JAZF1: variants seen among roughly 807,000 people sequenced by gnomAD.
The protein encoded by JAZF1 is JAZF zinc finger 1.
Under a neutral mutation model 26.4 loss-of-function variants are expected in JAZF1, and 8 were observed. The observed-to-expected ratio is 0.30, with a 90% CI of 0.18 to 0.55. JAZF1 has a LOEUF of 0.55. Among genes scored for constraint, JAZF1 ranks in the 20% least tolerant of loss-of-function variants. The pLI is 0.94. For missense variants in JAZF1, 199 were observed against 322.0 expected, an observed-to-expected ratio of 0.62 and a Z score of 2.92; for synonymous variants, 126 against 122.3, an observed-to-expected ratio of 1.03 and a Z score of -0.20.
intron 1 of JAZF1, among the ~76,000 whole-genome samples, chr7:28,111,554 A>G (rs1378207828): frequency 6.6e-6 from 1 of 152,246 alleles, no homozygotes; most frequent in Non-Finnish European, 1.5e-5. Flanking sequence ...ATAAGTCACA[A>G]TGCTTCTTTG....
chr7:28,180,609 C>T lies in JAZF1; in HGVS notation c.-32G>A, dbSNP rs10255700. ...ACATCGAGAGCCCCCCTGGTGTCGGCTCTGCGAGCGCCGGGCGGGCGAGGG... is the reference window on the plus strand; with the variant it reads ...ACATCGAGAGCCCCCCTGGTGTCGGTTCTGCGAGCGCCGGGCGGGCGAGGG... On this transcript the variant is annotated 5_prime_UTR_variant, in exon 1 of 5. Coordinates refer to ENST00000283928, the MANE Select transcript of JAZF1 (RefSeq NM_175061.4). 0.15 allele frequency: 225,375 copies of T among 1,553,512 alleles called. 21,175 individuals carry two copies. The highest frequency in any genetic ancestry group is 0.36 in the African/African-American group (25,245 of 70,578).
intron 1 of JAZF1, among the ~76,000 whole-genome samples, chr7:28,147,534 C>T (rs1335548317): frequency 1.3e-5 from 2 of 150,734 alleles, no homozygotes; most frequent in Admixed American, 6.6e-5. Context: ...CCTTCCAAGA[C>T]ATCTGGAAAA....
intron 2 of JAZF1, among the ~76,000 whole-genome samples, chr7:27,897,187 G>A (rs952141104): frequency 6.6e-6 from 1 of 152,154 alleles, no homozygotes; most frequent in African/African-American, 2.4e-5. Flanking sequence ...AGGATAAACA[G>A]GCTGCTGCTT....
chr7:27,874,253 G>A (rs924027622), intron 3 of JAZF1, among the ~76,000 whole-genome samples: 1 of 152,218 alleles, frequency 6.6e-6, no homozygotes, highest in Non-Finnish European at 1.5e-5. Flanking sequence ...GCTGAGGCTG[G>A]GAAAATCCCC....
At chr7:27,942,597 G>T (rs1318350276) in intron 2 of JAZF1, among the ~76,000 whole-genome samples, 1 of 152,168 alleles carries the variant, frequency 6.6e-6, no homozygotes, top group Non-Finnish European at 1.5e-5. Flanking sequence ...AAGGTTAAAC[G>T]ACTTGTGCAA....
At chr7:28,032,440 A>G (rs921672975) in intron 1 of JAZF1, among the ~76,000 whole-genome samples, 4 of 152,210 alleles carry the variant, frequency 2.6e-5, no homozygotes, top group Non-Finnish European at 5.9e-5. Flanking sequence ...TTTTGGAATT[A>G]AAGAGAAAAA....
At chr7:27,934,464 CAT>C (rs909596140) in intron 2 of JAZF1, among the ~76,000 whole-genome samples, 1 of 42,806 alleles carries the variant, frequency 2.3e-5, no homozygotes, top group Admixed American at 1.6e-4. Flanking sequence ...TTTTACCATA[CAT>C]ACACACACAC....
chr7:27,845,674 G>A (rs1231345008), intron 3 of JAZF1, among the ~76,000 whole-genome samples: 1 of 144,210 alleles, frequency 6.9e-6, no homozygotes, highest in East Asian at 2.0e-4. Flanking sequence ...TCCAGCCTGG[G>A]CAATAGGGCG....
At chr7:28,155,021 A>G (rs1384003020) in intron 1 of JAZF1, among the ~76,000 whole-genome samples, 1 of 152,184 alleles carries the variant, frequency 6.6e-6, no homozygotes, top group Non-Finnish European at 1.5e-5. Context: ...ACTAAAACTA[A>G]AAATAAAATT....
intron 1 of JAZF1, among the ~76,000 whole-genome samples, chr7:28,143,872 T>C (rs1782991104): frequency 6.6e-6 from 1 of 152,250 alleles, no homozygotes; most frequent in Admixed American, 6.5e-5. Flanking sequence ...TTATCTGTCT[T>C]TCCTCTTAAA....
At chr7:28,134,099 A>G (rs1297087173) in intron 1 of JAZF1, among the ~76,000 whole-genome samples, 3 of 152,192 alleles carry the variant, frequency 2.0e-5, no homozygotes, top group African/African-American at 7.2e-5. Flanking sequence ...AACCCTGTGC[A>G]TTGAACAGCG....
At chr7:28,008,599 C>G (rs17156158) in intron 1 of JAZF1, among the ~76,000 whole-genome samples, 9,937 of 152,292 alleles carry the variant, frequency 0.065, 1,097 homozygotes, top group African/African-American at 0.23. Context: ...GGCAAATAAT[C>G]TCTGGGAAGA....
chr7:27,945,141 T>TA (rs1784907096), intron 2 of JAZF1, among the ~76,000 whole-genome samples: 1 of 152,034 alleles, frequency 6.6e-6, no homozygotes, highest in Non-Finnish European at 1.5e-5. Flanking sequence ...AAATTTTTTT[T>TA]TAAAAAAATC....
At chr7:27,906,506 T>C (rs772433480) in intron 2 of JAZF1, among the ~76,000 whole-genome samples, 10 of 152,254 alleles carry the variant, frequency 6.6e-5, no homozygotes, top group Non-Finnish European at 1.3e-4. Flanking sequence ...GTATATTTTC[T>C]TCACAACTAT....
At chr7:28,143,381 T>C (rs1238663266) in intron 1 of JAZF1, among the ~76,000 whole-genome samples, 2 of 152,224 alleles carry the variant, frequency 1.3e-5, no homozygotes, top group Non-Finnish European at 2.9e-5. Flanking sequence ...TGAAGCCTTC[T>C]CTGACTCCCT....
At position 28,004,883 on chromosome 7, in the gene JAZF1, C is replaced by T. The variant is rs146401197; in HGVS notation, c.116-12902G>A. Among the ~76,000 whole-genome samples, 484 of 152,306 alleles carry T rather than the reference C, an allele frequency of 3.2e-3. 6 individuals are homozygous for T. Among genetic ancestry groups the T allele is most frequent in the African/African-American group, 0.011 (466 of 41,574 alleles). On this transcript the variant is annotated intron_variant, in intron 1 of 4. Transcript: ENST00000283928. ...GGCCAGGCTGGTCTCGAACTCCTGA[C>T]TTCAAGTGATTTGCCCACCTCAGCC...
intron 1 of JAZF1, chr7:28,071,797 G>C (rs1256286552): frequency 2.7e-6 from 1 of 365,288 alleles, no homozygotes; most frequent in Admixed American, 4.0e-5. Context: ...AGCTGCTTTC[G>C]ATTTGCATTA....
intron 1 of JAZF1, among the ~76,000 whole-genome samples, chr7:28,132,828 CTG>C (rs1287078143): frequency 6.6e-6 from 1 of 152,176 alleles, no homozygotes; most frequent in Non-Finnish European, 1.5e-5. Flanking sequence ...GATAAATACA[CTG>C]TCACCACTGC....
chr7:28,090,784 T>C (rs992026155), intron 1 of JAZF1, among the ~76,000 whole-genome samples: 3 of 151,762 alleles, frequency 2.0e-5, no homozygotes, highest in African/African-American at 4.8e-5. Flanking sequence ...AAGCTCTTAT[T>C]TTTTTTTCTA....
Sources: gnomAD v4.1 joint callset for allele counts (sites outside exome capture counted in the v4.1 genomes callset) on GRCh38, gnomAD v4.1.1 for gene constraint, MANE v1.5 for transcripts, NCBI Gene and HGNC (gene_info 2026-07-23, HGNC 2026-07-21) for gene names.